The following VAV1 variants were observed in gnomAD, a reference collection of about 807,000 sequenced individuals.
VAV1 encodes the protein vav guanine nucleotide exchange factor 1.
A neutral mutation model predicts 128.1 loss-of-function variants in VAV1; 33 were observed. The ratio of observed to expected loss-of-function variants is 0.26; its 90% CI spans 0.20 to 0.34. The LOEUF (loss-of-function observed/expected upper bound fraction) is 0.34. Among genes scored for constraint, VAV1 ranks in the 10% least tolerant of loss-of-function variants. The pLI, the probability that VAV1 is intolerant of heterozygous loss-of-function variation, is 1.00. For missense variants in VAV1, 715 were observed against 1,093.7 expected, an observed-to-expected ratio of 0.65 and a Z score of 4.88; for synonymous variants, 394 against 409.8, an observed-to-expected ratio of 0.96 and a Z score of 0.47.
intron 6 of VAV1, among the ~76,000 whole-genome samples, chr19:6,824,689 G>C (rs1370454212): frequency 6.6e-6 from 1 of 152,032 alleles, no homozygotes; most frequent in Non-Finnish European, 1.5e-5. Context: ...CTGCCACCGT[G>C]CCCAGCTTAT....
chr19:6,836,874 A>ACATG lies in VAV1; in HGVS notation c.1915-109_1915-108insTGCA, dbSNP rs1555704923. 299 of 594,736 alleles carry ACATG rather than the reference A, an allele frequency of 5.0e-4. 1 individual carries two copies. Among genetic ancestry groups the ACATG allele is most frequent in the African/African-American group, 4.8e-3 (264 of 54,874 alleles). 36.8% of individuals were successfully genotyped at this position (594,736 alleles called of 1,614,324 possible). On this transcript the variant is annotated intron_variant, in intron 20 of 26. Transcript: ENST00000602142. ...CACACACACACACACACACACACAC[A>ACATG]CACACGAGTGATGGGGCAGGATCCA...
Position 6,814,671 on chromosome 19 carries a change from C to CTTTCTTTCTTTCTTTCTTTCTTTCTTT in VAV1, c.205-6031_205-6030insTTTCTTTCTTTCTTTCTTTCTTTCTTT, listed in dbSNP as rs540074087. On this transcript the variant is annotated intron_variant, in intron 1 of 26. Transcript: ENST00000602142. Reference sequence around the variant, plus strand: ...TCCTTCCTTCCTTCCTTCCTTCCTTCCTTTCTTTCTTTCTTTCTTTCTTTC... The same window carrying CTTTCTTTCTTTCTTTCTTTCTTTCTTT: ...TCCTTCCTTCCTTCCTTCCTTCCTTCTTTCTTTCTTTCTTTCTTTCTTTCTTTCTTTCTTTCTTTCTTTCTTTCTTTC... Among the ~76,000 whole-genome samples, 40 of 25,784 alleles carry CTTTCTTTCTTTCTTTCTTTCTTTCTTT rather than the reference C, an allele frequency of 1.6e-3. 3 individuals are homozygous for CTTTCTTTCTTTCTTTCTTTCTTTCTTT. The highest frequency in any genetic ancestry group is 5.1e-3 in the East Asian group (4 of 784). The allele number at this position is 25,784 out of a possible 152,430, so 16.9% of individuals were successfully genotyped here.
At chr19:6,803,984 A>T (rs1971328760) in intron 1 of VAV1, among the ~76,000 whole-genome samples, 1 of 152,172 alleles carries the variant, frequency 6.6e-6, no homozygotes, top group East Asian at 1.9e-4. Flanking sequence ...CCAAAAGGCT[A>T]CATACTATAT....
intron 15 of VAV1, among the ~76,000 whole-genome samples, chr19:6,832,664 C>CCTT (rs777449559): frequency 1.3e-5 from 2 of 149,124 alleles, no homozygotes; most frequent in Non-Finnish European, 3.0e-5. Context: ...TCCTCCTCCT[C>CCTT]CTCCTCTTCC....
intron 1 of VAV1, among the ~76,000 whole-genome samples, chr19:6,798,580 G>T (rs529759619): frequency 7.4e-4 from 112 of 152,262 alleles, no homozygotes; most frequent in Middle Eastern, 6.8e-3. Flanking sequence ...TTGAACCCAG[G>T]AAGTCGAGGC....
In VAV1 at chr19:6,822,526, C is replaced by G; in HGVS notation, c.654+12C>G. ...GCTCCATCCAGCAGGTGGGCGCCTCCCACCCAGCGCCTGCCGGGCGCATGC... is the reference window on the plus strand; with the variant it reads ...GCTCCATCCAGCAGGTGGGCGCCTCGCACCCAGCGCCTGCCGGGCGCATGC... On this transcript the variant is annotated intron_variant, in intron 6 of 26. Transcript: ENST00000602142. The surrounding 1 kb of genome is among the most constrained non-coding windows in gnomAD (Gnocchi z 5.9). 3.2e-6 allele frequency: 5 copies of G among 1,543,908 alleles called. No homozygotes were observed. Among genetic ancestry groups the G allele is most frequent in the Non-Finnish European group, 4.4e-6 (5 of 1,146,480 alleles).
At position 6,801,286 on chromosome 19, in the gene VAV1, G is replaced by C. The variant is rs1971262560; in HGVS notation, c.205-19416G>C. ...CATTGGGTCAAGTATTTTCATTCCC[G>C]ACGTACAGATGAGTCAATTGAATCA... is the stretch of plus-strand genomic sequence containing the variant. On this transcript the variant is annotated intron_variant, in intron 1 of 26. Transcript: ENST00000602142. Among the ~76,000 whole-genome samples the C allele has an allele frequency of 2.0e-5, 3 of 152,204 alleles. No homozygotes were observed. In the South Asian group the frequency reaches 6.2e-4, roughly 32 times the overall value.
chr19:6,774,276 C>G (rs1428694477), intron 1 of VAV1, among the ~76,000 whole-genome samples: 1 of 151,716 alleles, frequency 6.6e-6, no homozygotes, highest in South Asian at 2.1e-4. Flanking sequence ...TACAGGCGCC[C>G]GCCACCACGC....
Position 6,828,298 on chromosome 19 carries a change from T to C in VAV1, c.1024-121T>C. Reference sequence around the variant, plus strand: ...TCGGGGATGGGTCACTGGGGTCATGTCTCAGCCTCCAGGGTCAGCAGTACG... The same window carrying C: ...TCGGGGATGGGTCACTGGGGTCATGCCTCAGCCTCCAGGGTCAGCAGTACG... On this transcript the variant is annotated intron_variant, in intron 10 of 26. Coordinates refer to ENST00000602142, the MANE Select transcript of VAV1 (RefSeq NM_005428.4). This position sits in a 1 kb window ranked among gnomAD's most constrained non-coding sequence, Gnocchi z 4.5. 1 of 1,514,732 alleles carries C rather than the reference T, an allele frequency of 6.6e-7. No homozygotes were observed. Among genetic ancestry groups the C allele is most frequent in the Non-Finnish European group, 9.1e-7 (1 of 1,102,178 alleles). 93.8% of individuals were successfully genotyped at this position (1,514,732 alleles called of 1,614,324 possible). A position where few individuals can be genotyped will look rare whatever the true frequency, so the allele number is the denominator to read the frequency against.
In VAV1 at chr19:6,822,339, G is replaced by A. The variant is rs1353928167; in HGVS notation, c.558+10G>A. 6 of 1,566,484 alleles carry A rather than the reference G, an allele frequency of 3.8e-6. No individual in the cohort carries two copies. The East Asian group carries it at 1.2e-4, about 30-fold the overall frequency. On this transcript the variant is annotated intron_variant, in intron 5 of 26. Transcript: ENST00000602142. This position sits in a 1 kb window ranked among gnomAD's most constrained non-coding sequence, Gnocchi z 5.9. ...GCCCGTGTCCATGCCGGTGCGTGAC[G>A]TGGAGGGTCGGGCCTGGGGAGGGCG...
chr19:6,774,179 G>C (rs1970566792), intron 1 of VAV1, among the ~76,000 whole-genome samples: 1 of 152,054 alleles, frequency 6.6e-6, no homozygotes, highest in South Asian at 2.1e-4. Flanking sequence ...GCAGGCTGGA[G>C]TGCAATGGCA....
chr19:6,806,068 C>T (rs998765939), intron 1 of VAV1, among the ~76,000 whole-genome samples: 1 of 151,994 alleles, frequency 6.6e-6, no homozygotes, highest in Admixed American at 6.6e-5. Context: ...CCAAATGCAG[C>T]CTGCCACCTG....
chr19:6,809,502 G>A (rs532315956), intron 1 of VAV1, among the ~76,000 whole-genome samples: 25 of 152,292 alleles, frequency 1.6e-4, no homozygotes, highest in South Asian at 1.0e-3. Context: ...TGCATTTAGC[G>A]TGTGGCAACC....
In VAV1 at chr19:6,836,844, A is replaced by G. The variant is rs1197846943; in HGVS notation, c.1915-141A>G. On this transcript the variant is annotated intron_variant, in intron 20 of 26. Coordinates refer to ENST00000602142, the MANE Select transcript of VAV1 (RefSeq NM_005428.4). Reference sequence around the variant, plus strand: ...TGAGCAGAGAGATGGACACACACACACACACACACACACACACACACACAC... The same window carrying G: ...TGAGCAGAGAGATGGACACACACACGCACACACACACACACACACACACAC... The G allele has an allele frequency of 0.025, 1,187 of 47,364 alleles. 11 individuals carry two copies. In the Middle Eastern group the frequency reaches 0.29, roughly 12 times the overall value. The allele number at this position is 47,364 out of a possible 1,614,324, so 2.9% of individuals were successfully genotyped here. A position where few individuals can be genotyped will look rare whatever the true frequency, so the allele number is the denominator to read the frequency against.
intron 1 of VAV1, among the ~76,000 whole-genome samples, chr19:6,815,104 G>A (rs140308261): frequency 8.0e-4 from 122 of 152,086 alleles, no homozygotes; most frequent in Non-Finnish European, 1.3e-3. Flanking sequence ...ATTTAGTAAC[G>A]TTGTTTGAAC....
rs754343672 is a variant in VAV1, at chr19:6,832,105, C to A, written c.1413C>A (p.Phe471Leu). 2.5e-6 allele frequency: 4 copies of A among 1,614,098 alleles called. No individual in the cohort carries two copies. In the South Asian group the frequency reaches 4.4e-5, roughly 18 times the overall value. Reference protein sequence around the residue: ...DRDNKKWSHMFLLIEDQGAQG... With the variant: ...DRDNKKWSHMLLLIEDQGAQG... ...CTTCCCTGCAGTGGAGCCACATGTT[C>A]CTCCTGATCGAGGACCAAGGTGCCC... The change falls in exon 15 of 27, where the codon TTC becomes TTA. Residue 471 changes from phenylalanine to leucine, a missense_variant. Coordinates refer to ENST00000602142, the MANE Select transcript of VAV1 (RefSeq NM_005428.4).
chr19:6,808,132 G>A (rs1259427546), intron 1 of VAV1, among the ~76,000 whole-genome samples: 2 of 151,902 alleles, frequency 1.3e-5, no homozygotes, highest in African/African-American at 4.8e-5. Flanking sequence ...TGCCAGCATG[G>A]TGAAACCCGT....
At chr19:6,849,578 G>A (rs1165312652) in intron 23 of VAV1, among the ~76,000 whole-genome samples, 1 of 151,856 alleles carries the variant, frequency 6.6e-6, no homozygotes, top group African/African-American at 2.4e-5. Flanking sequence ...CTCTCAAAGT[G>A]CTGGGATTAC....
In VAV1 at chr19:6,825,203, G is replaced by C. The variant is rs968928237; in HGVS notation, c.723+82G>C. The C allele has an allele frequency of 8.9e-6, 14 of 1,577,020 alleles. No homozygotes were observed. In the South Asian group the frequency reaches 1.6e-4, roughly 18 times the overall value. The stretch of plus-strand genomic sequence containing the variant: ...CCCTACCTCTCCCTGGAGTACGGGG[G>C]TTGGGAGTTGAGCGGCATGGGGCGG... On this transcript the variant is annotated intron_variant, in intron 7 of 26. Coordinates refer to ENST00000602142, the MANE Select transcript of VAV1 (RefSeq NM_005428.4).
Sources: allele counts gnomAD v4.1 joint callset (sites outside exome capture counted in the v4.1 genomes callset), GRCh38; gene constraint gnomAD v4.1.1; non-coding constraint Gnocchi (gnomAD v3.1); transcripts MANE v1.5; gene names NCBI Gene and HGNC (gene_info 2026-07-23, HGNC 2026-07-21).